CC2D2A: variants seen among roughly 807,000 people sequenced by gnomAD.
CC2D2A encodes coiled-coil and C2 domain-containing protein 2A.
In CC2D2A, 155 loss-of-function variants were observed where a neutral mutation model predicts 212.9. That is an observed-to-expected ratio of 0.73 (90% CI 0.64 to 0.83). The LOEUF (loss-of-function observed/expected upper bound fraction) is 0.83, where lower values mean the gene tolerates loss of function less well. Ranked by LOEUF, CC2D2A falls within the 40% of genes least tolerant of loss-of-function variation. The probability of loss-of-function intolerance (pLI) is 0.00; values close to 1 mark genes in which losing one functional copy is unlikely to be tolerated. For missense variants in CC2D2A, 1,856 were observed against 1,956.2 expected (o/e 0.95, Z 0.97); for synonymous variants, 667 against 686.5 (o/e 0.97, Z 0.44).
chr4:15,504,124 G>A (rs1470453423), intron 6 of CC2D2A, among the ~76,000 whole-genome samples: 2 of 152,116 alleles, frequency 1.3e-5, no homozygotes, highest in African/African-American at 2.4e-5. Context: ...TTTAAATGAT[G>A]CCTTTTCTTT....
intron 4 of CC2D2A, among the ~76,000 whole-genome samples, chr4:15,484,011 A>G (rs1714854827): frequency 6.6e-6 from 1 of 152,238 alleles, no homozygotes; most frequent in African/African-American, 2.4e-5. Flanking sequence ...AAACAGGGAC[A>G]ATAATAGATT....
intron 6 of CC2D2A, among the ~76,000 whole-genome samples, chr4:15,509,896 G>T (rs979795571): frequency 3.3e-5 from 5 of 152,170 alleles, no homozygotes; most frequent in African/African-American, 4.8e-5. Flanking sequence ...CATAAAAAGG[G>T]TACAGTAAAA....
intron 4 of CC2D2A, among the ~76,000 whole-genome samples, chr4:15,486,149 T>C (rs1224074999): frequency 6.6e-6 from 1 of 152,186 alleles, no homozygotes; most frequent in Non-Finnish European, 1.5e-5. Flanking sequence ...TGTCTGGTTT[T>C]GGTATCAGGA....
At chr4:15,470,156 GA>G (rs1240333755) in intron 1 of CC2D2A, 99 bp downstream of exon 1, 2 of 152,210 alleles carry the variant, frequency 1.3e-5, no homozygotes, top group Non-Finnish European at 2.9e-5. Flanking sequence ...CGTGAGACTG[GA>G]TTTAATGAAT....
chr4:15,538,632 A>G (rs1177852867), intron 16 of CC2D2A, among the ~76,000 whole-genome samples: 1 of 152,176 alleles, frequency 6.6e-6, no homozygotes, highest in Non-Finnish European at 1.5e-5. Flanking sequence ...GTGGTATTTA[A>G]GTCAGGCCAT....
chr4:15,530,919 C>T (rs1320446873), intron 13 of CC2D2A, among the ~76,000 whole-genome samples: 2 of 152,032 alleles, frequency 1.3e-5, no homozygotes, highest in Non-Finnish European at 2.9e-5. Context: ...TGACTACATT[C>T]CTTATCCTCT....
intron 11 of CC2D2A, among the ~76,000 whole-genome samples, chr4:15,524,892 T>G (rs1266739524): frequency 6.6e-6 from 1 of 152,226 alleles, no homozygotes; most frequent in Non-Finnish European, 1.5e-5. Context: ...AAATATACTC[T>G]AAATATTATC....
rs16892040 is a variant in CC2D2A at position 15,488,614 on chromosome 4, C to T, written c.247+7787C>T. Among the ~76,000 whole-genome samples the T allele has an allele frequency of 2.9e-3, 446 of 152,290 alleles. 15 individuals are homozygous for T. The East Asian group carries it at 0.07, about 24-fold the overall frequency. ...GTACCTGCTCAAATATCTGGATCCACGTTTGATTACTCCTTTGACCTTTTA... is the reference window on the plus strand; with the variant it reads ...GTACCTGCTCAAATATCTGGATCCATGTTTGATTACTCCTTTGACCTTTTA... On this transcript the variant is annotated intron_variant, in intron 4 of 36. Coordinates refer to ENST00000424120, the MANE Select transcript of CC2D2A (RefSeq NM_001378615.1).
chr4:15,592,471 A>G (rs1195788543), intron 33 of CC2D2A, among the ~76,000 whole-genome samples: 2 of 152,172 alleles, frequency 1.3e-5, no homozygotes, highest in African/African-American at 4.8e-5. Context: ...AATAAATCCA[A>G]TGGCTGCTTC....
At chr4:15,514,476 C>T (rs955173997) in intron 8 of CC2D2A, among the ~76,000 whole-genome samples, 3 of 152,198 alleles carry the variant, frequency 2.0e-5, no homozygotes, top group African/African-American at 7.2e-5. Context: ...CTGAAACAGC[C>T]ATCTCTGATT....
At chr4:15,576,778 G>T (rs1720433711) in intron 29 of CC2D2A, among the ~76,000 whole-genome samples, 1 of 152,206 alleles carries the variant, frequency 6.6e-6, no homozygotes, top group Non-Finnish European at 1.5e-5. Flanking sequence ...GTTCCATGAG[G>T]AATGTCCTGC....
intron 23 of CC2D2A, among the ~76,000 whole-genome samples, chr4:15,561,269 G>A (rs1248406963): frequency 2.6e-5 from 4 of 152,204 alleles, no homozygotes; most frequent in Admixed American, 6.5e-5. Context: ...GTGGTCTTGT[G>A]CAGGCCACAT....
At chr4:15,488,195 C>T (rs1006915259) in intron 4 of CC2D2A, among the ~76,000 whole-genome samples, 1 of 152,140 alleles carries the variant, frequency 6.6e-6, no homozygotes, top group Non-Finnish European at 1.5e-5. Flanking sequence ...TAGCATTCTT[C>T]TCTTTTAGAT....
intron 21 of CC2D2A, among the ~76,000 whole-genome samples, chr4:15,558,083 C>A (rs75991312): frequency 1.1e-3 from 175 of 152,198 alleles, no homozygotes; most frequent in African/African-American, 4.1e-3. Context: ...GGTGGAGGAG[C>A]CTTTGAGGAA....
chr4:15,568,225 G>T (rs1193074188), intron 26 of CC2D2A, among the ~76,000 whole-genome samples: 3 of 152,168 alleles, frequency 2.0e-5, no homozygotes, highest in Non-Finnish European at 4.4e-5. Flanking sequence ...TATTTAAATG[G>T]TTCTTATTAT....
At chr4:15,475,830 T>A (rs1490739810) in intron 1 of CC2D2A, 85 bp from the exon 2 acceptor site, 4 of 1,107,850 alleles carry the variant, frequency 3.6e-6, no homozygotes, top group Non-Finnish European at 5.4e-6. Flanking sequence ...CTTACCATCA[T>A]GGCCAGCCTC....
chr4:15,561,169 G>T (rs1262455245), intron 23 of CC2D2A, among the ~76,000 whole-genome samples: 3 of 152,180 alleles, frequency 2.0e-5, no homozygotes, highest in Non-Finnish European at 4.4e-5. Flanking sequence ...GACTGTATTT[G>T]CTTGATTGAC....
chr4:15,485,863 A>G (rs1019493212), intron 4 of CC2D2A, among the ~76,000 whole-genome samples: 2 of 152,244 alleles, frequency 1.3e-5, no homozygotes, highest in Middle Eastern at 3.4e-3. Flanking sequence ...TATATTCTGG[A>G]TATCAGTCCC....
chr4:15,520,121 G>T (rs1717121587), intron 11 of CC2D2A, among the ~76,000 whole-genome samples: 1 of 152,080 alleles, frequency 6.6e-6, no homozygotes, highest in East Asian at 1.9e-4. Flanking sequence ...TACCTCTCTG[G>T]ATATTTTTCC....
Sources: allele counts gnomAD v4.1 joint callset (sites outside exome capture counted in the v4.1 genomes callset), GRCh38; gene constraint gnomAD v4.1.1; transcripts MANE v1.5; gene names NCBI Gene and HGNC (gene_info 2026-07-23, HGNC 2026-07-21).